PRKG1: variants seen among roughly 807,000 people sequenced by gnomAD.
PRKG1 encodes protein kinase cGMP-dependent 1.
In PRKG1, 35 loss-of-function variants were observed where a neutral mutation model predicts 88.1. The ratio of observed to expected loss-of-function variants is 0.40; its 90% confidence interval spans 0.30 to 0.53. PRKG1 has a LOEUF of 0.53. Among genes scored for constraint, PRKG1 ranks in the 20% least tolerant of loss-of-function variants. The pLI is 0.59. For missense variants in PRKG1, 540 were observed against 839.8 expected (o/e 0.64, Z 4.41); for synonymous variants, 303 against 292.5 (o/e 1.04, Z -0.37).
intron 3 of PRKG1, among the ~76,000 whole-genome samples, chr10:51,785,347 T>G (rs1434342055): frequency 6.6e-6 from 1 of 151,950 alleles, no homozygotes; most frequent in African/African-American, 2.4e-5. Context: ...ACCATGGACG[T>G]TTTTCTTGTT....
intron 4 of PRKG1, among the ~76,000 whole-genome samples, chr10:51,830,838 A>C (rs1228856055): frequency 6.6e-6 from 1 of 152,274 alleles, no homozygotes; most frequent in South Asian, 2.1e-4. Context: ...CTGGTATTAC[A>C]GGCGTTAGCC....
At chr10:51,825,606 A>G (rs1839863898) in intron 4 of PRKG1, among the ~76,000 whole-genome samples, 1 of 152,246 alleles carries the variant, frequency 6.6e-6, no homozygotes, top group South Asian at 2.1e-4. Flanking sequence ...TGTGCCTACA[A>G]CAGCTGCCTG....
intron 12 of PRKG1, among the ~76,000 whole-genome samples, chr10:52,277,434 T>C (rs755406548): frequency 1.4e-4 from 22 of 152,186 alleles, no homozygotes; most frequent in Non-Finnish European, 2.8e-4. Context: ...AAAAATAGTT[T>C]TCTGGTGCTC....
intron 3 of PRKG1, among the ~76,000 whole-genome samples, chr10:51,773,380 G>T (rs1459942340): frequency 2.0e-5 from 3 of 152,022 alleles, no homozygotes; most frequent in Non-Finnish European, 2.9e-5. Flanking sequence ...GAATGTGGGG[G>T]CTATTCAGGG....
intron 2 of PRKG1, among the ~76,000 whole-genome samples, chr10:51,264,914 A>G (rs755898698): frequency 1.3e-5 from 2 of 152,122 alleles, no homozygotes; most frequent in Non-Finnish European, 2.9e-5. Flanking sequence ...GCAATTATTC[A>G]CCCTTTCAAG....
At chr10:52,075,169 C>G (rs1589582871) in intron 7 of PRKG1, among the ~76,000 whole-genome samples, 2 of 152,120 alleles carry the variant, frequency 1.3e-5, no homozygotes, top group Non-Finnish European at 2.9e-5. Flanking sequence ...ATTAAAAATA[C>G]CACTTATGAT....
chr10:51,124,512 G>A (rs887750123), intron 1 of PRKG1, among the ~76,000 whole-genome samples: 10 of 152,100 alleles, frequency 6.6e-5, no homozygotes, highest in South Asian at 2.1e-4. Context: ...ACTTGATAGC[G>A]TGGGAGGGAG....
At chr10:51,745,476 C>T (rs898981508) in intron 3 of PRKG1, among the ~76,000 whole-genome samples, 5 of 152,114 alleles carry the variant, frequency 3.3e-5, no homozygotes, top group African/African-American at 1.2e-4. Flanking sequence ...GACATTAGTA[C>T]TTCATAGCAT....
At chr10:52,268,226 G>A (rs1841626317) in intron 10 of PRKG1, among the ~76,000 whole-genome samples, 1 of 152,160 alleles carries the variant, frequency 6.6e-6, no homozygotes, top group African/African-American at 2.4e-5. Context: ...AGGCAAAGCA[G>A]AAAGCCTCAG....
chr10:51,435,214 A>G (rs1838886538), intron 2 of PRKG1, among the ~76,000 whole-genome samples: 1 of 151,984 alleles, frequency 6.6e-6, no homozygotes, highest in South Asian at 2.1e-4. Flanking sequence ...AAATTGATAA[A>G]CATTTTTGGC....
intron 2 of PRKG1, among the ~76,000 whole-genome samples, chr10:51,465,560 T>C (rs1037963505): frequency 2.0e-5 from 3 of 152,164 alleles, no homozygotes; most frequent in African/African-American, 7.2e-5. Context: ...AAACATCAAA[T>C]GTTGGCCAGA....
At chr10:52,170,187 T>G (rs539807052) in intron 9 of PRKG1, among the ~76,000 whole-genome samples, 54 of 152,266 alleles carry the variant, frequency 3.5e-4, no homozygotes, top group African/African-American at 1.3e-3. Flanking sequence ...AGCCTTCCTC[T>G]GAGGACAAAG....
At chr10:51,659,257 C>A (rs186870581) in intron 3 of PRKG1, among the ~76,000 whole-genome samples, 1 of 152,008 alleles carries the variant, frequency 6.6e-6, no homozygotes, top group Non-Finnish European at 1.5e-5. Context: ...TGACAATGTT[C>A]CCTAAAACAA....
intron 2 of PRKG1, among the ~76,000 whole-genome samples, chr10:51,255,814 C>G (rs1319543781): frequency 6.6e-6 from 1 of 152,066 alleles, no homozygotes; most frequent in Non-Finnish European, 1.5e-5. Context: ...GGTCTACTTT[C>G]CTGAGTCACA....
intron 1 of PRKG1, among the ~76,000 whole-genome samples, chr10:51,033,943 T>A (rs1009050495): frequency 2.6e-5 from 4 of 152,162 alleles, no homozygotes; most frequent in Non-Finnish European, 5.9e-5. Flanking sequence ...CTTCTGAGGG[T>A]TCCTTTTCTC....
intron 3 of PRKG1, among the ~76,000 whole-genome samples, chr10:51,694,116 T>C (rs1339870735): frequency 6.6e-6 from 1 of 152,176 alleles, no homozygotes; most frequent in Non-Finnish European, 1.5e-5. Context: ...GGAAAGTCCG[T>C]CTAGAGATTA....
intron 5 of PRKG1, among the ~76,000 whole-genome samples, chr10:51,982,595 A>G (rs945632708): frequency 1.3e-5 from 2 of 152,024 alleles, no homozygotes; most frequent in Non-Finnish European, 2.9e-5. Flanking sequence ...TCAGCTCCCA[A>G]CTCCTGGATT....
At chr10:52,083,521 T>G (rs1236926863) in intron 7 of PRKG1, among the ~76,000 whole-genome samples, 1 of 152,088 alleles carries the variant, frequency 6.6e-6, no homozygotes, top group East Asian at 1.9e-4. Context: ...TTTCTTGGCT[T>G]AAATAGTGTT....
chr10:51,696,415 G>C (rs1440037753), intron 3 of PRKG1: 1 of 152,038 alleles, frequency 6.6e-6, no homozygotes, highest in East Asian at 1.9e-4. Flanking sequence ...CTAGTCCCTA[G>C]ACACTGATTT....
Sources: gnomAD v4.1 joint callset for allele counts (sites outside exome capture counted in the v4.1 genomes callset) on GRCh38, gnomAD v4.1.1 for gene constraint, MANE v1.5 for transcripts, NCBI Gene and HGNC (gene_info 2026-07-23, HGNC 2026-07-21) for gene names.